HMCN1: variants seen among roughly 807,000 people sequenced by gnomAD.
HMCN1 encodes the protein hemicentin 1, also known as hemicentin-1.
Under a neutral mutation model 625.9 loss-of-function variants are expected in HMCN1, and 321 were observed. The observed-to-expected ratio is 0.51, with a 90% CI of 0.47 to 0.56. The LOEUF (loss-of-function observed/expected upper bound fraction) is 0.56, where lower values mean the gene tolerates loss of function less well. Among genes scored for constraint, HMCN1 ranks in the 20% least tolerant of loss-of-function variants. HMCN1 has a pLI of 0.00. For missense variants in HMCN1, 6,588 were observed against 6,887.3 expected (o/e 0.96, Z 1.54); for synonymous variants, 2,425 against 2,417.6 (o/e 1.00, Z -0.09).
intron 75 of HMCN1, among the ~76,000 whole-genome samples, chr1:186,115,729 A>G (rs1010964742): frequency 1.3e-5 from 2 of 152,200 alleles, no homozygotes; most frequent in Non-Finnish European, 2.9e-5. Context: ...CATTTTATAT[A>G]AAAGAAAAAC....
intron 19 of HMCN1, among the ~76,000 whole-genome samples, chr1:185,986,851 A>T (rs1362489537): frequency 6.7e-6 from 1 of 149,748 alleles, no homozygotes; most frequent in Admixed American, 6.6e-5. Context: ...AAAATTAATT[A>T]ATTAATTAAA....
chr1:186,001,053 T>C lies in HMCN1; in HGVS notation c.4070-245T>C, dbSNP rs16824848. 7.2e-3 allele frequency among the ~76,000 whole-genome samples: 1,101 copies of C among 152,194 alleles called. 36 individuals are homozygous for C. The highest frequency in any genetic ancestry group is 0.044 in the East Asian group (229 of 5,188). ...ATGTGAAATAAAAGTAGATTCTCCC[T>C]TAAGCTTATCCCAAATTTTATCCTA... On this transcript the variant is annotated intron_variant, in intron 26 of 106. Transcript: ENST00000271588.
chr1:185,974,528 C>G (rs1345816443), intron 15 of HMCN1, among the ~76,000 whole-genome samples: 1 of 152,162 alleles, frequency 6.6e-6, no homozygotes, highest in Admixed American at 6.6e-5. Flanking sequence ...ACAGCCTCCT[C>G]TGTAGAAGCA....
At chr1:185,851,835 C>G (rs1398447114) in intron 2 of HMCN1, among the ~76,000 whole-genome samples, 1 of 151,780 alleles carries the variant, frequency 6.6e-6, no homozygotes, top group East Asian at 1.9e-4. Flanking sequence ...ATACACACAA[C>G]CCCTCAAAAC....
At chr1:185,878,786 A>G (rs1664110703) in intron 4 of HMCN1, among the ~76,000 whole-genome samples, 1 of 152,138 alleles carries the variant, frequency 6.6e-6, no homozygotes, top group Non-Finnish European at 1.5e-5. Context: ...GTTAATAGTT[A>G]TTAACTGAAT....
intron 105 of HMCN1, among the ~76,000 whole-genome samples, chr1:186,184,392 A>AG (rs1352159031): frequency 6.6e-6 from 1 of 152,224 alleles, no homozygotes; most frequent in Non-Finnish European, 1.5e-5. Flanking sequence ...CAATAATAAA[A>AG]GGGAAATTAA....
chr1:186,175,876 C>CAAAAAAAAAAAAAAAAAAAAAAAAAAA (rs758445916), intron 103 of HMCN1, among the ~76,000 whole-genome samples: 6 of 76,168 alleles, frequency 7.9e-5, no homozygotes, highest in East Asian at 4.3e-4. Flanking sequence ...AACTATGTCT[C>CAAAAAAAAAAAAAAAAAAAAAAAAAAA]AAAAAAAAAA....
chr1:185,985,335 C>A (rs571459019), intron 19 of HMCN1, among the ~76,000 whole-genome samples: 1 of 152,148 alleles, frequency 6.6e-6, no homozygotes, highest in East Asian at 1.9e-4. Context: ...TTCAAGAAGA[C>A]CAGACCATAG....
In HMCN1 at chr1:186,015,332, T is replaced by G. The variant is rs200459602; in HGVS notation, c.4804T>G (p.Tyr1602Asp). Reference protein sequence around the residue: ...SQALYIDKGQYLHIPRAQVSD... With the variant: ...SQALYIDKGQDLHIPRAQVSD... The stretch of plus-strand genomic sequence containing the variant: ...AGCACTTTATATTGATAAAGGACAA[T>G]ATCTTCATATTCCTCGAGCACAGGT... Residue 1602 changes from tyrosine (Y) to aspartate (D), a missense_variant, in exon 31 of 107, where the codon TAT becomes GAT. Transcript: ENST00000271588. The G allele has an allele frequency of 6.2e-7, 1 of 1,613,782 alleles. No homozygotes were observed. The highest frequency in any genetic ancestry group is 8.5e-7 in the Non-Finnish European group (1 of 1,179,788).
At chr1:185,784,348 CACCCACTGTCCTGT>C (rs1487412009) in intron 1 of HMCN1, among the ~76,000 whole-genome samples, 1 of 152,152 alleles carries the variant, frequency 6.6e-6, no homozygotes, top group African/African-American at 2.4e-5. Flanking sequence ...TGGTGGGCTG[CACCCACTGTCCTGT>C]ACCCACTGTC....
At chr1:186,082,776 A>AAT (rs2102384786) in intron 56 of HMCN1, 89 bp from the exon 57 acceptor site, 1 of 604,980 alleles carries the variant, frequency 1.7e-6, no homozygotes, top group South Asian at 3.0e-5. Context: ...AAATAGAAAT[A>AAT]ATATATATTA....
intron 1 of HMCN1, among the ~76,000 whole-genome samples, chr1:185,746,195 A>T (rs569312588): frequency 6.6e-6 from 1 of 152,226 alleles, no homozygotes; most frequent in South Asian, 2.1e-4. Context: ...TGAGTACAGG[A>T]TGTTTCTTTC....
Position 186,112,927 on chromosome 1 carries a change from C to A in HMCN1, c.11105C>A (p.Thr3702Lys). The A allele has an allele frequency of 6.2e-7, 1 of 1,613,928 alleles. No individual in the cohort carries two copies. The highest frequency in any genetic ancestry group is 8.5e-7 in the Non-Finnish European group (1 of 1,179,980). The change falls in exon 72 of 107, where the codon ACA (threonine) becomes AAA (lysine). Residue 3702 changes from threonine (T) to lysine (K), a missense_variant. By Grantham distance (78) the Thr-to-Lys change is moderately conservative. Coordinates refer to ENST00000271588, the MANE Select transcript of HMCN1 (RefSeq NM_031935.3). ...GCCAGCAACATTGCAGGAAAGACTA[C>A]AAGAGAATTTATTCTCACTGTAAAT... ...CVASNIAGKT[T>K]REFILTVNVP...
intron 1 of HMCN1, among the ~76,000 whole-genome samples, chr1:185,803,208 A>G (rs1658927940): frequency 8.0e-6 from 1 of 125,668 alleles, no homozygotes; most frequent in African/African-American, 5.1e-5. Flanking sequence ...AAAAAAGCAA[A>G]AAAAAAAAAA....
chr1:186,050,825 G>A (rs1656903107), intron 42 of HMCN1, among the ~76,000 whole-genome samples: 1 of 152,088 alleles, frequency 6.6e-6, no homozygotes, highest in Non-Finnish European at 1.5e-5. Flanking sequence ...TGGACATAGA[G>A]CAATTAGTGA....
At chr1:185,897,307 T>G (rs2102425329) in intron 4 of HMCN1, among the ~76,000 whole-genome samples, 1 of 152,262 alleles carries the variant, frequency 6.6e-6, no homozygotes, top group African/African-American at 2.4e-5. Flanking sequence ...AGCCTTTCCC[T>G]CCCAATCCCT....
chr1:186,074,587 T>G (rs78970389), intron 52 of HMCN1, among the ~76,000 whole-genome samples, 154 bp from the exon 53 acceptor site: 2,330 of 152,246 alleles, frequency 0.015, 62 homozygotes, highest in African/African-American at 0.054. Flanking sequence ...TTAATCAAAG[T>G]AAATCAATTA....
intron 93 of HMCN1, among the ~76,000 whole-genome samples, chr1:186,146,939 G>C (rs1039337877): frequency 3.3e-5 from 5 of 152,192 alleles, no homozygotes; most frequent in African/African-American, 1.2e-4. Context: ...AAGTCCCTCT[G>C]TGAGACTAGA....
chr1:186,113,073 A>T, intron 72 of HMCN1, 120 bp downstream of exon 72: 1 of 1,161,218 alleles, frequency 8.6e-7, no homozygotes, highest in Non-Finnish European at 1.2e-6. Context: ...ACTGCTTTTG[A>T]AAAAGGCAAC....
Sources: gnomAD v4.1 joint callset for allele counts (sites outside exome capture counted in the v4.1 genomes callset) on GRCh38, gnomAD v4.1.1 for gene constraint, MANE v1.5 for transcripts, NCBI Gene and HGNC (gene_info 2026-07-23, HGNC 2026-07-21) for gene names.